COP1: variants seen among roughly 807,000 people sequenced by gnomAD.
COP1 encodes the protein COP1 E3 ubiquitin ligase.
A neutral mutation model predicts 101.3 loss-of-function variants in COP1; 24 were observed. The ratio of observed to expected loss-of-function variants is 0.24; its 90% CI spans 0.17 to 0.33. The LOEUF (loss-of-function observed/expected upper bound fraction) is 0.33. Among genes scored for constraint, COP1 ranks in the 10% least tolerant of loss-of-function variants. The probability of loss-of-function intolerance (pLI) is 1.00; values close to 1 mark genes in which losing one functional copy is unlikely to be tolerated. For missense variants in COP1, 663 were observed against 906.2 expected (o/e 0.73, Z 3.45); for synonymous variants, 347 against 341.9 (o/e 1.01, Z -0.17).
At chr1:176,163,108 T>C (rs1167560772) in intron 4 of COP1, 120 bp from the exon 5 acceptor site, 3 of 1,009,974 alleles carry the variant, frequency 3.0e-6, no homozygotes, top group Non-Finnish European at 2.7e-6. Context: ...AAATATATTA[T>C]AATGTTCCAA....
At chr1:176,036,520 A>AAAAAAAAAAAAAAAAAAAAAAAAAAAAC (rs1553232075) in intron 14 of COP1, among the ~76,000 whole-genome samples, 1 of 143,754 alleles carries the variant, frequency 7.0e-6, no homozygotes, top group African/African-American at 2.5e-5. Flanking sequence ...AAAAAAAAAA[A>AAAAAAAAAAAAAAAAAAAAAAAAAAAAC]AAAAAAGCAT....
intron 1 of COP1, among the ~76,000 whole-genome samples, chr1:176,196,752 A>T (rs1250546819): frequency 2.0e-5 from 3 of 152,146 alleles, no homozygotes; most frequent in Admixed American, 2.0e-4. Flanking sequence ...TTTAGAAGCC[A>T]GCACTGGCCA....
chr1:176,096,860 C>T (rs185522391), intron 9 of COP1, among the ~76,000 whole-genome samples: 159 of 152,272 alleles, frequency 1.0e-3, no homozygotes, highest in Middle Eastern at 3.4e-3. Flanking sequence ...TCTTGTTTTA[C>T]GTCCTTCAGA....
intron 11 of COP1, among the ~76,000 whole-genome samples, chr1:176,066,990 G>A (rs1469135722): frequency 6.6e-6 from 1 of 152,060 alleles, no homozygotes; most frequent in Non-Finnish European, 1.5e-5. Flanking sequence ...CCACTCATAT[G>A]ACAACTTATT....
intron 9 of COP1, among the ~76,000 whole-genome samples, chr1:176,099,564 A>C (rs892781828): frequency 6.6e-6 from 1 of 151,186 alleles, no homozygotes; most frequent in African/African-American, 2.4e-5. Context: ...AGAATTTGGA[A>C]ACTAGTTGTA....
rs1035777295 is a variant in COP1 at position 175,966,240 on chromosome 1, A to G, written c.2134-19001T>C. On this transcript the variant is annotated intron_variant, in intron 18 of 19. Coordinates refer to ENST00000367669, the MANE Select transcript of COP1 (RefSeq NM_022457.7). ...TTCCCTGCATTCTATAAAAAATCCAAGGGGGTTGAGTGAATTAGCTGTCTG... is the reference window on the plus strand; with the variant it reads ...TTCCCTGCATTCTATAAAAAATCCAGGGGGGTTGAGTGAATTAGCTGTCTG... Among the ~76,000 whole-genome samples the G allele has an allele frequency of 2.6e-5, 4 of 152,124 alleles. No homozygotes were observed. The East Asian group carries it at 5.8e-4, about 22-fold the overall frequency.
chr1:176,127,824 T>C (rs975535272), intron 8 of COP1, among the ~76,000 whole-genome samples: 1 of 152,154 alleles, frequency 6.6e-6, no homozygotes, highest in African/African-American at 2.4e-5. Context: ...CTCCATAATG[T>C]CTTCCAATGT....
At chr1:175,986,068 G>A (rs995914231) in intron 18 of COP1, among the ~76,000 whole-genome samples, 2 of 152,074 alleles carry the variant, frequency 1.3e-5, no homozygotes, top group Admixed American at 6.6e-5. Context: ...CGCCCAGGCT[G>A]GACTGCAGTG....
chr1:176,123,916 A>G (rs1306172295), intron 8 of COP1, among the ~76,000 whole-genome samples: 2 of 152,154 alleles, frequency 1.3e-5, no homozygotes, highest in Non-Finnish European at 2.9e-5. Context: ...TACCACTCCC[A>G]AACCCCAGGC....
chr1:175,949,190 A>AAAAAAAAAAAAAAAT (rs1558152756), intron 18 of COP1, among the ~76,000 whole-genome samples: 13 of 146,272 alleles, frequency 8.9e-5, no homozygotes, highest in African/African-American at 2.8e-4. Context: ...AAAAAAAAAA[A>AAAAAAAAAAAAAAAT]AATGAACATG....
intron 11 of COP1, among the ~76,000 whole-genome samples, chr1:176,070,617 G>A (rs556227849): frequency 7.0e-4 from 106 of 152,034 alleles, no homozygotes; most frequent in Admixed American, 1.2e-3. Flanking sequence ...AGCCAAGACC[G>A]CACCACTGCA....
chr1:176,201,366 T>TACTGACAG, intron 1 of COP1, among the ~76,000 whole-genome samples: 1 of 152,004 alleles, frequency 6.6e-6, no homozygotes, highest in Non-Finnish European at 1.5e-5. Flanking sequence ...GGGTAGCAGG[T>TACTGACAG]TAAAATAATT....
At chr1:176,041,757 G>C (rs2149168374) in intron 14 of COP1, among the ~76,000 whole-genome samples, 1 of 152,262 alleles carries the variant, frequency 6.6e-6, no homozygotes. Context: ...CTGGAGGTCA[G>C]GAGTTCGAGA....
At chr1:176,190,768 A>C (rs1699035019) in intron 1 of COP1, among the ~76,000 whole-genome samples, 1 of 152,002 alleles carries the variant, frequency 6.6e-6, no homozygotes, top group African/African-American at 2.4e-5. Flanking sequence ...ACTATCTTAG[A>C]ACTGTCCAAC....
chr1:176,120,811 G>A (rs1277068688), intron 8 of COP1, among the ~76,000 whole-genome samples: 3 of 152,062 alleles, frequency 2.0e-5, no homozygotes, highest in Non-Finnish European at 2.9e-5. Context: ...AAGATAATAG[G>A]CATATTGATT....
At chr1:175,948,180 T>C (rs1291290047) in intron 18 of COP1, among the ~76,000 whole-genome samples, 5 of 152,140 alleles carry the variant, frequency 3.3e-5, no homozygotes, top group Admixed American at 6.5e-5. Context: ...CTCTGGAAAG[T>C]AGGAAGAGTG....
chr1:176,098,402 G>A (rs1331804075), intron 9 of COP1, among the ~76,000 whole-genome samples: 1 of 152,050 alleles, frequency 6.6e-6, no homozygotes, highest in Non-Finnish European at 1.5e-5. Flanking sequence ...TTTTGCCTAG[G>A]GTCTAAGGAT....
At chr1:176,190,942 G>C (rs1177144682) in intron 1 of COP1, among the ~76,000 whole-genome samples, 14 of 151,828 alleles carry the variant, frequency 9.2e-5, no homozygotes, top group Non-Finnish European at 2.9e-5. Context: ...ATATTACTGA[G>C]ATAATCAGAG....
intron 5 of COP1, among the ~76,000 whole-genome samples, chr1:176,157,885 G>C (rs1051560835): frequency 6.6e-6 from 1 of 151,996 alleles, no homozygotes; most frequent in Admixed American, 6.6e-5. Flanking sequence ...AGATGAATAA[G>C]ATCAAATAAA....
Sources: gnomAD v4.1 joint callset for allele counts (sites outside exome capture counted in the v4.1 genomes callset) on GRCh38, gnomAD v4.1.1 for gene constraint, MANE v1.5 for transcripts, NCBI Gene and HGNC (gene_info 2026-07-23, HGNC 2026-07-21) for gene names.